SCN4A: variants seen among roughly 807,000 people sequenced by gnomAD.
SCN4A encodes the protein sodium voltage-gated channel alpha subunit 4.
SCN4A carries 83 observed loss-of-function variants against 162.0 expected under a neutral mutation model. That is an observed-to-expected ratio of 0.51 (90% CI 0.43 to 0.61). The LOEUF is 0.61. Among genes scored for constraint, SCN4A ranks in the 20% least tolerant of loss-of-function variants. The pLI is 0.00. For synonymous variants in SCN4A, 944 were observed against 985.1 expected, an observed-to-expected ratio of 0.96 and a Z score of 0.78; for missense variants, 2,196 against 2,462.5, an observed-to-expected ratio of 0.89 and a Z score of 2.29.
intron 10 of SCN4A, among the ~76,000 whole-genome samples, chr17:63,962,850 G>T (rs1292128182): frequency 6.6e-6 from 1 of 152,148 alleles, no homozygotes; most frequent in Non-Finnish European, 1.5e-5. Context: ...CATTCCCTGG[G>T]TACCCTCTGG....
At chr17:63,965,295 C>T (rs1272187689) in intron 8 of SCN4A, among the ~76,000 whole-genome samples, 6 of 152,058 alleles carry the variant, frequency 3.9e-5, no homozygotes, top group South Asian at 2.1e-4. Context: ...CTGCCTGCCT[C>T]GGCCTCCCAT....
Position 63,964,518 on chromosome 17 carries a change from A to G in SCN4A, c.1402T>C (p.Phe468Leu). Reference protein sequence around the residue: ...LAEDKEKEEEFQQMLEKFKKH... With the variant: ...LAEDKEKEEELQQMLEKFKKH... ...TTGAACTTCTCAAGCATCTGCTGAA[A>G]CTCCTCCTCTTTCTCCTTATCCTCG... The change falls in exon 9 of 24, where the codon TTT becomes CTT. Residue 468 changes from phenylalanine (F) to leucine (L), a missense_variant. Transcript: ENST00000435607. 6.2e-7 allele frequency: 1 copy of G among 1,612,128 alleles called. No homozygotes were observed. The highest frequency in any genetic ancestry group is 8.5e-7 in the Non-Finnish European group (1 of 1,179,424).
rs752731993 is a variant in SCN4A, at chr17:63,963,709, G to T, written c.1569C>A (p.Ser523Arg). 5 of 1,596,750 alleles carry T rather than the reference G, an allele frequency of 3.1e-6. No individual in the cohort carries two copies. The East Asian group carries it at 9.1e-5, about 29-fold the overall frequency. Reference protein sequence around the residue: ...SQGEKGAPRQSSSGDSGISDA... With the variant: ...SQGEKGAPRQRSSGDSGISDA... ...CGGAGATGCCGCTGTCTCCGCTGCT[G>T]CTCTGCCTCGGGGCTCCCTTCTCCC... The change falls in exon 10 of 24, where the codon AGC becomes AGA. Residue 523 changes from serine to arginine, a missense_variant. Physicochemically the swap from Ser to Arg is moderately radical, Grantham distance 110 (BLOSUM62 -1). Coordinates refer to ENST00000435607, the MANE Select transcript of SCN4A (RefSeq NM_000334.4).
At chr17:63,957,574 GC>G in intron 12 of SCN4A, 56 bp from the exon 13 acceptor site, 1 of 1,241,028 alleles carries the variant, frequency 8.1e-7, no homozygotes, top group Non-Finnish European at 1.2e-6. Flanking sequence ...ACCCAAGGCA[GC>G]CCCAGCCTTA....
chr17:63,946,462 G>GCCCCCCCCCCCC lies in SCN4A; in HGVS notation c.3441+582_3441+583insGGGGGGGGGGGG, dbSNP rs374261223. ...TTCCTGGGGAAGTCCCATTTTTCTT[G>GCCCCCCCCCCCC]CCCCCCCCCCCACCCCGCCGCAACC... On this transcript the variant is annotated intron_variant, in intron 18 of 23. Transcript: ENST00000435607. 9.0e-4 allele frequency among the ~76,000 whole-genome samples: 96 copies of GCCCCCCCCCCCC among 106,672 alleles called. 4 individuals are homozygous for GCCCCCCCCCCCC. The highest frequency in any genetic ancestry group is 3.1e-3 in the African/African-American group (70 of 22,860). The allele number at this position is 106,672 out of a possible 152,430, so 70.0% of individuals were successfully genotyped here.
At chr17:63,955,697 A>G (rs1400117185) in intron 13 of SCN4A, among the ~76,000 whole-genome samples, 1 of 151,840 alleles carries the variant, frequency 6.6e-6, no homozygotes, top group African/African-American at 2.4e-5. Context: ...CCCATCCCCA[A>G]TCCTGCCCCA....
chr17:63,942,517 T>A (rs1187027721), intron 23 of SCN4A, among the ~76,000 whole-genome samples: 1 of 152,244 alleles, frequency 6.6e-6, no homozygotes, highest in African/African-American at 2.4e-5. Context: ...AGCACACGCA[T>A]GACTGTGCAC....
intron 5 of SCN4A, among the ~76,000 whole-genome samples, chr17:63,969,044 TGTTGGACAG>T (rs1909540631): frequency 6.6e-6 from 1 of 152,208 alleles, no homozygotes. Flanking sequence ...GGTTTCGCTA[TGTTGGACAG>T]GCTGGTCTCG....
chr17:63,951,799 G>T lies in SCN4A; in HGVS notation c.2478C>A (p.Ile826=), dbSNP rs371914255. The change falls in exon 14 of 24, where the codon ATC becomes ATA. Residue 826 remains isoleucine, a synonymous_variant. Transcript: ENST00000435607. This position sits in a 1 kb window ranked among gnomAD's most constrained non-coding sequence, Gnocchi z 4.5. ...AGCCGATGCCCAACTTGATGCGCCC[G>T]ATGGCAATCTGCAGGTTGTTCATCT... ...DGEMNNLQIA[I]GRIKLGIGFA... The T allele has an allele frequency of 1.3e-6, 2 of 1,583,900 alleles. No individual in the cohort carries two copies. The highest frequency in any genetic ancestry group is 1.3e-5 in the African/African-American group (1 of 74,310).
intron 5 of SCN4A, among the ~76,000 whole-genome samples, chr17:63,970,365 T>A: frequency 1.3e-5 from 2 of 152,308 alleles, no homozygotes; most frequent in African/African-American, 4.8e-5. Context: ...ATGCCACAGA[T>A]AAGGAAACTG....
At chr17:63,966,592 C>T (rs377224115) in intron 6 of SCN4A, 48 bp from the exon 7 acceptor site, 2 of 1,431,058 alleles carry the variant, frequency 1.4e-6, no homozygotes, top group African/African-American at 2.8e-5. Context: ...CACATGGACA[C>T]AGTGTGAGCA....
chr17:63,941,375 G>A lies in SCN4A; in HGVS notation c.4907C>T (p.Ala1636Val), dbSNP rs770647690. The part of the protein sequence containing the change: ...KFDPDATQFI[A>V]YSRLSDFVDT... ...CACGAAGTCTGAGAGGCGGCTGTAG[G>A]CGATGAACTGGGTGGCGTCGGGGTC... Residue 1636 changes from alanine (A) to valine (V), a missense_variant, in exon 24 of 24, where the codon GCC becomes GTC. Ala to Val is a moderately conservative substitution (Grantham distance 64). Transcript: ENST00000435607. The surrounding 1 kb of genome is among the most constrained non-coding windows in gnomAD (Gnocchi z 6.2). 29 of 1,613,930 alleles carry A rather than the reference G, an allele frequency of 1.8e-5. No individual in the cohort carries two copies. The highest frequency in any genetic ancestry group is 2.5e-5 in the Non-Finnish European group (29 of 1,179,886).
At chr17:63,957,874 G>C (rs1054496040) in intron 12 of SCN4A, among the ~76,000 whole-genome samples, 1 of 151,794 alleles carries the variant, frequency 6.6e-6, no homozygotes. Context: ...GCATGGTGGC[G>C]AGTGCCTGTA....
At position 63,945,406 on chromosome 17, in the gene SCN4A, A is replaced by C; in HGVS notation, c.3674T>G (p.Val1225Gly). Residue 1225 changes from valine to glycine, a missense_variant, in exon 19 of 24, where the codon GTC becomes GGC. Coordinates refer to ENST00000435607, the MANE Select transcript of SCN4A (RefSeq NM_000334.4). This position sits in a 1 kb window ranked among gnomAD's most constrained non-coding sequence, Gnocchi z 4.4. ...GCCCAGACCCACGTTGTCGTAGTTG[A>C]CCTTGACATTGAGCCAGCGGACCTG... is the stretch of plus-strand genomic sequence containing the variant. ...TGQVRWLNVK[V>G]NYDNVGLGYL... is the part of the protein sequence containing the mutation. 1 of 1,613,618 alleles carries C rather than the reference A, an allele frequency of 6.2e-7. No homozygotes were observed. Among genetic ancestry groups the C allele is most frequent in the Non-Finnish European group, 8.5e-7 (1 of 1,179,628 alleles).
chr17:63,967,541 C>T (rs925578098), intron 6 of SCN4A, among the ~76,000 whole-genome samples: 2 of 152,046 alleles, frequency 1.3e-5, no homozygotes, highest in Non-Finnish European at 2.9e-5. Context: ...GGTGAGGATT[C>T]GGAGGGCTGG....
chr17:63,943,147 G>T, intron 22 of SCN4A, 51 bp from the exon 23 acceptor site: 2 of 1,579,402 alleles, frequency 1.3e-6, no homozygotes, highest in South Asian at 1.2e-5. Flanking sequence ...GCCAGGCCCA[G>T]ACAGGACATG....
intron 13 of SCN4A, among the ~76,000 whole-genome samples, chr17:63,952,754 C>T (rs981664136): frequency 2.6e-5 from 4 of 151,978 alleles, no homozygotes; most frequent in Non-Finnish European, 5.9e-5. Context: ...TACTGCTGCT[C>T]CCCCCCAGCA....
chr17:63,965,012 T>A, intron 8 of SCN4A, among the ~76,000 whole-genome samples: 1 of 152,210 alleles, frequency 6.6e-6, no homozygotes, highest in Non-Finnish European at 1.5e-5. Flanking sequence ...TAGTAAGAAC[T>A]CAACAAATAG....
rs142668486 is a variant in SCN4A at position 63,954,921 on chromosome 17, C to T, written c.2376+2241G>A. 2.9e-3 allele frequency among the ~76,000 whole-genome samples: 435 copies of T among 152,256 alleles called. 1 individual carries two copies. Among genetic ancestry groups the T allele is most frequent in the Middle Eastern group, 0.01 (3 of 294 alleles). ...ATTGCAGGGGCTCCCGTCCCACACA[C>T]GGGACAGACTCACCTCCCTGAGCCC... On this transcript the variant is annotated intron_variant, in intron 13 of 23. Coordinates refer to ENST00000435607, the MANE Select transcript of SCN4A (RefSeq NM_000334.4).
Sources: allele counts gnomAD v4.1 joint callset (sites outside exome capture counted in the v4.1 genomes callset), GRCh38; gene constraint gnomAD v4.1.1; non-coding constraint Gnocchi (gnomAD v3.1); transcripts MANE v1.5; gene names NCBI Gene and HGNC (gene_info 2026-07-23, HGNC 2026-07-21).